The following GARIN5A variants were observed in gnomAD, a reference collection of about 807,000 sequenced individuals.
The protein encoded by GARIN5A is Golgi-associated RAB2 interactor protein 5A.
the GARIN5A span, chr19:50,476,176 C>T: frequency 6.2e-7 from 1 of 1,613,694 alleles, no homozygotes; most frequent in South Asian, 1.1e-5. Flanking sequence ...CCAGGGCCGG[C>T]TTAGGGCCGC....
chr19:50,476,288 GGAGCGGGCT>G, the GARIN5A span: 1 of 1,603,948 alleles, frequency 6.2e-7, no homozygotes, highest in Non-Finnish European at 8.5e-7. Flanking sequence ...GTCATGATGC[GGAGCGGGCT>G]TTATGACGTC....
At chr19:50,470,110 C>T in the GARIN5A span, among the ~76,000 whole-genome samples, 5 of 152,172 alleles carry the variant, frequency 3.3e-5, no homozygotes, top group Non-Finnish European at 5.9e-5. Context: ...GAAACCAAGC[C>T]GTCTGAGGGC....
At chr19:50,473,044 T>C in the GARIN5A span, among the ~76,000 whole-genome samples, 3 of 152,056 alleles carry the variant, frequency 2.0e-5, no homozygotes, top group African/African-American at 7.2e-5. Context: ...AATAAAGGTA[T>C]AGTGTAGAAG....
chr19:50,476,232 G>T, the GARIN5A span: 5 of 1,613,568 alleles, frequency 3.1e-6, no homozygotes, highest in Non-Finnish European at 4.2e-6. Context: ...AGCGGACGGA[G>T]GAGCAGAGGG....
chr19:50,475,448 C>T, the GARIN5A span: 1 of 1,605,168 alleles, frequency 6.2e-7, no homozygotes, highest in East Asian at 2.2e-5. Context: ...TTCTCCCAAC[C>T]GAGTCACCTG....
the GARIN5A span, among the ~76,000 whole-genome samples, chr19:50,472,243 T>TATGTA: frequency 4.5e-5 from 6 of 133,952 alleles, no homozygotes; most frequent in Admixed American, 1.4e-4. Flanking sequence ...TATGTGTGTA[T>TATGTA]TATATATACA....
the GARIN5A span, chr19:50,475,737 G>C: frequency 4.4e-6 from 4 of 901,664 alleles, no homozygotes; most frequent in Non-Finnish European, 7.2e-6. Flanking sequence ...GGAATCCCAC[G>C]AGATGGACGT....
the GARIN5A span, chr19:50,467,850 G>A: frequency 6.2e-7 from 1 of 1,610,022 alleles, no homozygotes; most frequent in Non-Finnish European, 8.5e-7. Flanking sequence ...GGAAGGGGCG[G>A]CCTCAGGTTC....
chr19:50,474,428 C>T, the GARIN5A span, among the ~76,000 whole-genome samples: 1 of 151,780 alleles, frequency 6.6e-6, no homozygotes, highest in Non-Finnish European at 1.5e-5. Context: ...TCACTGCAAC[C>T]TCCGCCTCCT....
At chr19:50,472,186 A>G in the GARIN5A span, among the ~76,000 whole-genome samples, 4 of 138,792 alleles carry the variant, frequency 2.9e-5, no homozygotes, top group South Asian at 2.1e-4. Flanking sequence ...ATGTATGTAT[A>G]CATGTATGTG....
the GARIN5A span, among the ~76,000 whole-genome samples, chr19:50,471,861 T>TGA: frequency 6.6e-6 from 1 of 151,606 alleles, no homozygotes; most frequent in South Asian, 2.1e-4. Context: ...CATACATACA[T>TGA]GTGTATATGT....
chr19:50,476,296 C>A, the GARIN5A span: 4 of 1,599,808 alleles, frequency 2.5e-6, no homozygotes, highest in African/African-American at 2.7e-5. Context: ...GCGGAGCGGG[C>A]TTTATGACGT....
At chr19:50,469,076 G>A in the GARIN5A span, among the ~76,000 whole-genome samples, 4 of 152,160 alleles carry the variant, frequency 2.6e-5, no homozygotes, top group African/African-American at 9.7e-5. Flanking sequence ...GCCTTCCTGT[G>A]GCTCTGGCTC....
At chr19:50,475,271 C>G in the GARIN5A span, 10 of 1,522,862 alleles carry the variant, frequency 6.6e-6, no homozygotes, top group African/African-American at 4.1e-5. Flanking sequence ...GCTGGGGGCT[C>G]AGGTGCCTGG....
chr19:50,474,117 G>A, the GARIN5A span, among the ~76,000 whole-genome samples: 1 of 152,110 alleles, frequency 6.6e-6, no homozygotes. Context: ...TGTCTATTTT[G>A]TGCTTGTTTT....
the GARIN5A span, among the ~76,000 whole-genome samples, chr19:50,472,066 ATG>A: frequency 0.18 from 24,403 of 139,054 alleles, 4,558 homozygotes; most frequent in African/African-American, 0.48. Flanking sequence ...GTGTGTGTAT[ATG>A]TGTATATATA....
chr19:50,467,871 G>A, the GARIN5A span: 95 of 1,592,948 alleles, frequency 6.0e-5, no homozygotes, highest in South Asian at 1.2e-4. Flanking sequence ...TGACCCTGTC[G>A]GGTCCTCCAG....
chr19:50,475,457 T>G, the GARIN5A span: 6 of 1,602,404 alleles, frequency 3.7e-6, no homozygotes, highest in Non-Finnish European at 5.1e-6. Context: ...CCGAGTCACC[T>G]GGGGCCAGAG....
At chr19:50,473,615 C>T in the GARIN5A span, among the ~76,000 whole-genome samples, 1 of 152,166 alleles carries the variant, frequency 6.6e-6, no homozygotes, top group Non-Finnish European at 1.5e-5. Context: ...CCACCTCAGC[C>T]TCCCAAAGTG....
Sources: allele counts gnomAD v4.1 joint callset (sites outside exome capture counted in the v4.1 genomes callset), GRCh38; gene constraint gnomAD v4.1.1; transcripts MANE v1.5; gene names NCBI Gene and HGNC (gene_info 2026-07-23, HGNC 2026-07-21).